The following SAMD3 variants were observed in gnomAD, a reference collection of about 807,000 sequenced individuals.
SAMD3 encodes the protein sterile alpha motif domain-containing protein 3.
A neutral mutation model predicts 58.5 loss-of-function variants in SAMD3; 63 were observed. The ratio of observed to expected loss-of-function variants is 1.08; its 90% CI spans 0.88 to 1.33. The LOEUF is 1.33. SAMD3 is among the 40% of genes most tolerant of loss of function. The pLI, the probability that SAMD3 is intolerant of heterozygous loss-of-function variation, is 0.00. For missense variants in SAMD3, 604 were observed against 608.4 expected, an observed-to-expected ratio of 0.99 and a Z score of 0.08; for synonymous variants, 220 against 210.3, an observed-to-expected ratio of 1.05 and a Z score of -0.40.
At chr6:130,290,310 C>T (rs142498842) in intron 2 of SAMD3, among the ~76,000 whole-genome samples, 1 of 152,154 alleles carries the variant, frequency 6.6e-6, no homozygotes, top group East Asian at 1.9e-4. Context: ...CCACACTTGC[C>T]GGCTGGAAAT....
At chr6:130,233,401 A>G (rs2114882688) in intron 2 of SAMD3, among the ~76,000 whole-genome samples, 1 of 152,306 alleles carries the variant, frequency 6.6e-6, no homozygotes, top group South Asian at 2.1e-4. Flanking sequence ...GGTAGTGATC[A>G]TTGATGCTTT....
chr6:130,236,402 G>A (rs994458846), intron 2 of SAMD3, among the ~76,000 whole-genome samples: 7 of 120,128 alleles, frequency 5.8e-5, no homozygotes, highest in African/African-American at 1.7e-4. Context: ...TTTTTTTTCC[G>A]AGATGGAGTC....
At chr6:130,342,901 T>C (rs888713770) in intron 1 of SAMD3, among the ~76,000 whole-genome samples, 2 of 152,198 alleles carry the variant, frequency 1.3e-5, no homozygotes, top group Admixed American at 1.3e-4. Context: ...GCAATGTAGA[T>C]GGTGAACCTA....
chr6:130,236,623 C>T (rs997899660), intron 2 of SAMD3, among the ~76,000 whole-genome samples: 4 of 152,100 alleles, frequency 2.6e-5, no homozygotes, highest in African/African-American at 7.2e-5. Flanking sequence ...ACCTTGTGAT[C>T]CACCCATCAT....
intron 2 of SAMD3, among the ~76,000 whole-genome samples, chr6:130,276,783 G>A (rs1263986808): frequency 6.6e-6 from 1 of 152,080 alleles, no homozygotes; most frequent in Non-Finnish European, 1.5e-5. Flanking sequence ...ACTCATATCA[G>A]CTTCCCTGAG....
At chr6:130,210,617 A>G (rs1353788987) in intron 4 of SAMD3, among the ~76,000 whole-genome samples, 2 of 151,298 alleles carry the variant, frequency 1.3e-5, no homozygotes, top group Admixed American at 6.6e-5. Context: ...AAAAAAGGTC[A>G]GGTATAAACC....
intron 1 of SAMD3, among the ~76,000 whole-genome samples, chr6:130,319,837 C>T (rs1006234089): frequency 6.6e-6 from 1 of 151,928 alleles, no homozygotes; most frequent in Non-Finnish European, 1.5e-5. Flanking sequence ...AAGTAAAATG[C>T]ATGAAAGCAG....
chr6:130,214,485 G>C lies in SAMD3; in HGVS notation c.121C>G (p.Arg41Gly), dbSNP rs780090662. The change falls in exon 4 of 12, where the codon CGG becomes GGG. Residue 41 changes from arginine (R) to glycine (G), a missense_variant. By Grantham distance (125) the Arg-to-Gly change is moderately radical (BLOSUM62 -2). Coordinates refer to ENST00000439090, the MANE Select transcript of SAMD3 (RefSeq NM_001017373.4). ...TTCTTTACCAGTTGCTGAACCATCC[G>C]ATCATTAAGTGCAAGAAGAGCGGCC... ...SGAALLALND[R>G]MVQQLVKKIG... 10 of 1,609,748 alleles carry C rather than the reference G, an allele frequency of 6.2e-6. No individual in the cohort carries two copies. The highest frequency in any genetic ancestry group is 8.5e-6 in the Non-Finnish European group (10 of 1,178,060).
chr6:130,206,853 T>C (rs1010840025), intron 5 of SAMD3, among the ~76,000 whole-genome samples: 2 of 152,110 alleles, frequency 1.3e-5, no homozygotes, highest in Non-Finnish European at 2.9e-5. Flanking sequence ...GGTCCTTTGA[T>C]GAGCCATGTG....
intron 2 of SAMD3, among the ~76,000 whole-genome samples, chr6:130,229,595 C>T (rs887149897): frequency 3.3e-5 from 5 of 152,152 alleles, no homozygotes; most frequent in African/African-American, 9.7e-5. Flanking sequence ...TTAAGAGAAA[C>T]TGGAGGCGAC....
At chr6:130,179,530 A>G (rs1312548035) in intron 7 of SAMD3, among the ~76,000 whole-genome samples, 6 of 151,864 alleles carry the variant, frequency 4.0e-5, no homozygotes, top group Non-Finnish European at 7.4e-5. Flanking sequence ...ACCGTCTTAC[A>G]TGGCAACTGG....
chr6:130,212,303 T>C (rs750398536), intron 4 of SAMD3, among the ~76,000 whole-genome samples: 3 of 152,210 alleles, frequency 2.0e-5, no homozygotes, highest in Non-Finnish European at 4.4e-5. Context: ...CATGCAATTG[T>C]AATTCTGCAC....
Position 130,189,482 on chromosome 6 carries a change from G to A in SAMD3, c.384-4859C>T, listed in dbSNP as rs147377894. 9.5e-4 allele frequency among the ~76,000 whole-genome samples: 145 copies of A among 152,240 alleles called. No individual in the cohort carries two copies. The Middle Eastern group carries it at 0.01, about 11-fold the overall frequency. On this transcript the variant is annotated intron_variant, in intron 5 of 11. Coordinates refer to ENST00000439090, the MANE Select transcript of SAMD3 (RefSeq NM_001017373.4). ...ATGGTATTTGTTTGGCAGCCTGTGC[G>A]GACTAACACAGAATTCCAATTTCCT...
chr6:130,259,336 G>A (rs2114919790), intron 2 of SAMD3, among the ~76,000 whole-genome samples: 2 of 152,298 alleles, frequency 1.3e-5, no homozygotes, highest in East Asian at 3.9e-4. Flanking sequence ...AGGGCAAAGG[G>A]GAGCTGATGT....
chr6:130,360,128 T>C (rs1426027410), intron 1 of SAMD3, among the ~76,000 whole-genome samples: 1 of 152,336 alleles, frequency 6.6e-6, no homozygotes, highest in East Asian at 1.9e-4. Context: ...TATTTCCTTA[T>C]ATAAACAGGT....
chr6:130,221,474 T>C (rs1277765035), intron 1 of SAMD3: 2 of 152,286 alleles, frequency 1.3e-5, no homozygotes, highest in Non-Finnish European at 2.9e-5. Flanking sequence ...TAACTACTAA[T>C]AGCCTACTAT....
intron 2 of SAMD3, among the ~76,000 whole-genome samples, chr6:130,292,687 T>C (rs1583060219): frequency 1.3e-5 from 2 of 151,400 alleles, no homozygotes; most frequent in Middle Eastern, 6.9e-3. Context: ...GGCTTGATCT[T>C]GGCTCACTGC....
At chr6:130,176,330 C>T (rs1285697974) in intron 7 of SAMD3, 1 of 315,268 alleles carries the variant, frequency 3.2e-6, no homozygotes, top group Non-Finnish European at 6.0e-6. Context: ...GTGATACTTT[C>T]CACTATACTC....
At chr6:130,333,044 C>CGTGTGTGTGTGTGTGTGT (rs10529435) in intron 1 of SAMD3, among the ~76,000 whole-genome samples, 17 of 143,552 alleles carry the variant, frequency 1.2e-4, no homozygotes, top group South Asian at 2.3e-4. Context: ...GTTGAGTATG[C>CGTGTGTGTGTGTGTGTGT]GTGTGTGTGT....
Sources: gnomAD v4.1 joint callset for allele counts (sites outside exome capture counted in the v4.1 genomes callset) on GRCh38, gnomAD v4.1.1 for gene constraint, MANE v1.5 for transcripts, NCBI Gene and HGNC (gene_info 2026-07-23, HGNC 2026-07-21) for gene names.